The following CDK17 variants were observed in gnomAD, a reference collection of about 807,000 sequenced individuals.
CDK17 encodes cyclin dependent kinase 17, also known as cyclin-dependent kinase 17.
CDK17 carries 24 observed loss-of-function variants against 77.6 expected under a neutral mutation model. The ratio of observed to expected loss-of-function variants is 0.31; its 90% CI spans 0.22 to 0.44. CDK17 has a LOEUF of 0.44. Among genes scored for constraint, CDK17 ranks in the 20% least tolerant of loss-of-function variants. CDK17 has a pLI of 1.00. For missense variants in CDK17, 429 were observed against 622.5 expected (o/e 0.69, Z 3.31); for synonymous variants, 203 against 210.4 (o/e 0.96, Z 0.30).
chr12:96,282,618 C>T lies in CDK17; in HGVS notation c.1366-19G>A. 1.3e-6 allele frequency: 2 copies of T among 1,515,714 alleles called. No homozygotes were observed. Among genetic ancestry groups the T allele is most frequent in the Non-Finnish European group, 1.8e-6 (2 of 1,092,220 alleles). The allele number at this position is 1,515,714 out of a possible 1,614,324, so 93.9% of individuals were successfully genotyped here. ...ATTCATACTGTGAAAAAGCAAAGAA[C>T]TGCTTCATTAGCTTTTTCTCTAATT... On this transcript the variant is annotated intron_variant, in intron 14 of 16. Coordinates refer to ENST00000261211, the MANE Select transcript of CDK17 (RefSeq NM_002595.5).
chr12:96,334,131 G>GT (rs2137142095), intron 2 of CDK17, among the ~76,000 whole-genome samples: 1 of 152,296 alleles, frequency 6.6e-6, no homozygotes, highest in South Asian at 2.1e-4. Flanking sequence ...AGCCAGTCAC[G>GT]TAAGTTCCTT....
chr12:96,330,818 G>A (rs574835922), intron 2 of CDK17, among the ~76,000 whole-genome samples: 1 of 152,304 alleles, frequency 6.6e-6, no homozygotes, highest in African/African-American at 2.4e-5. Flanking sequence ...ATAAATATTT[G>A]TGTACAAGAC....
chr12:96,389,886 G>A (rs1954039769), intron 1 of CDK17, among the ~76,000 whole-genome samples: 3 of 150,514 alleles, frequency 2.0e-5, no homozygotes, highest in South Asian at 2.1e-4. Context: ...CTGGAGTGCA[G>A]CGGTGTGATC....
chr12:96,299,008 G>A (rs370882856), intron 6 of CDK17, 25 bp from the exon 7 acceptor site: 9 of 1,152,608 alleles, frequency 7.8e-6, no homozygotes, highest in South Asian at 1.3e-5. Flanking sequence ...TTTAAAGGAC[G>A]CATCAAAAGT....
intron 2 of CDK17, among the ~76,000 whole-genome samples, chr12:96,333,115 A>G (rs967119625): frequency 4.6e-5 from 7 of 152,004 alleles, no homozygotes; most frequent in Non-Finnish European, 1.0e-4. Flanking sequence ...TCCTAAGAGT[A>G]GGCACACTGC....
Position 96,278,285 on chromosome 12 carries a change from G to T in CDK17, c.*1957C>A, listed in dbSNP as rs535757562. 1.4e-4 allele frequency: 21 copies of T among 152,088 alleles called. No individual in the cohort carries two copies. Among genetic ancestry groups the T allele is most frequent in the African/African-American group, 5.1e-4 (21 of 41,488 alleles). 9.4% of individuals were successfully genotyped at this position (152,088 alleles called of 1,614,324 possible). On this transcript the variant is annotated 3_prime_UTR_variant, in exon 17 of 17. Transcript: ENST00000261211. ...ATATATTTTCATCTTTTATACGCAA[G>T]AATTAAGCCTATGAAAAGCTATAAT...
Position 96,345,471 on chromosome 12 carries a change from G to A in CDK17, c.-29-10606C>T, listed in dbSNP as rs191791587. 1.4e-4 allele frequency among the ~76,000 whole-genome samples: 22 copies of A among 152,202 alleles called. No homozygotes were observed. The East Asian group carries it at 2.3e-3, about 16-fold the overall frequency. ...AGTGTAAAAGCATCCCTATTTCTCC[G>A]CAACCTTGCCAGTATCTGTTGTTTC... On this transcript the variant is annotated intron_variant, in intron 1 of 16. Coordinates refer to ENST00000261211, the MANE Select transcript of CDK17 (RefSeq NM_002595.5).
chr12:96,390,624 G>A (rs1301676063), intron 1 of CDK17, among the ~76,000 whole-genome samples: 3 of 146,272 alleles, frequency 2.1e-5, no homozygotes, highest in Non-Finnish European at 4.5e-5. Flanking sequence ...CAGGAGAATC[G>A]CCTGAACCTG....
At chr12:96,398,512 C>G (rs1185122789) in intron 1 of CDK17, among the ~76,000 whole-genome samples, 4 of 152,206 alleles carry the variant, frequency 2.6e-5, no homozygotes, top group African/African-American at 9.6e-5. Flanking sequence ...TATCAAAGGT[C>G]TTCAAATCTC....
intron 3 of CDK17, among the ~76,000 whole-genome samples, chr12:96,314,445 C>T (rs905359538): frequency 6.6e-6 from 1 of 152,070 alleles, no homozygotes; most frequent in African/African-American, 2.4e-5. Context: ...GCCATTTATG[C>T]CTAGTGTTCC....
rs142374881 is a variant in CDK17, at chr12:96,291,048, A to G, written c.998-1761T>C. ...AAAAGGGTAGAATTTTCAGAGGGACAGAGAACAACTTATAGTATAAATACT... is the reference window on the plus strand; with the variant it reads ...AAAAGGGTAGAATTTTCAGAGGGACGGAGAACAACTTATAGTATAAATACT... On this transcript the variant is annotated intron_variant, in intron 10 of 16. Transcript: ENST00000261211. Among the ~76,000 whole-genome samples, 258 of 152,120 alleles carry G rather than the reference A, an allele frequency of 1.7e-3. 2 individuals are homozygous for G. The highest frequency in any genetic ancestry group is 6.0e-3 in the African/African-American group (251 of 41,502).
At chr12:96,389,798 T>C (rs991844431) in intron 1 of CDK17, among the ~76,000 whole-genome samples, 1 of 150,846 alleles carries the variant, frequency 6.6e-6, no homozygotes, top group Non-Finnish European at 1.5e-5. Context: ...ATAACACACC[T>C]ACTATAGAAG....
At chr12:96,296,683 G>A (rs974087705) in intron 9 of CDK17, among the ~76,000 whole-genome samples, 5 of 152,154 alleles carry the variant, frequency 3.3e-5, no homozygotes, top group Non-Finnish European at 7.4e-5. Context: ...GCTGGATGCT[G>A]TTACTCAGTT....
At chr12:96,393,318 T>C (rs1482586975) in intron 1 of CDK17, among the ~76,000 whole-genome samples, 1 of 130,032 alleles carries the variant, frequency 7.7e-6, no homozygotes, top group Non-Finnish European at 1.5e-5. Flanking sequence ...TGAGCCAAGA[T>C]TGTGCCATTG....
intron 1 of CDK17, among the ~76,000 whole-genome samples, chr12:96,345,806 G>C (rs1370889716): frequency 2.0e-5 from 3 of 151,698 alleles, no homozygotes; most frequent in African/African-American, 7.3e-5. Context: ...AAAAAACAAA[G>C]GAATTAGAAT....
intron 15 of CDK17, chr12:96,282,288 T>C (rs898700770): frequency 3.6e-5 from 16 of 439,592 alleles, no homozygotes; most frequent in Admixed American, 3.1e-4. Context: ...CTAAGTACTA[T>C]TGGTTTCCTA....
At chr12:96,327,434 A>G (rs954508240) in intron 2 of CDK17, among the ~76,000 whole-genome samples, 7 of 152,216 alleles carry the variant, frequency 4.6e-5, no homozygotes, top group African/African-American at 9.6e-5. Context: ...TTTAGGACAT[A>G]TTACAAAGGC....
chr12:96,311,059 G>A lies in CDK17; in HGVS notation c.536C>T (p.Ala179Val). Residue 179 changes from alanine (A) to valine (V), a missense_variant, in exon 5 of 17, where the codon GCT (alanine) becomes GTT (valine). Around this residue, in one of 4 missense-constraint regions of CDK17, gnomAD observed 262 missense variants for 385.4 expected, o/e 0.68. Transcript: ENST00000261211. Reference protein sequence around the residue: ...DQPMSRRSRRASLSEIGFGKM... With the variant: ...DQPMSRRSRRVSLSEIGFGKM... ...AGGAGACCAAAAACTTACTAAGGAAGCTCTACGAGACCTTCGACTCATTGG... is the reference window on the plus strand; with the variant it reads ...AGGAGACCAAAAACTTACTAAGGAAACTCTACGAGACCTTCGACTCATTGG... The A allele has an allele frequency of 3.1e-6, 5 of 1,595,682 alleles. No individual in the cohort carries two copies. The highest frequency in any genetic ancestry group is 1.4e-5 in the African/African-American group (1 of 73,486).
At position 96,280,790 on chromosome 12, in the gene CDK17, G is replaced by A. The variant is rs1201073051; in HGVS notation, c.1534+18C>T. 6.2e-7 allele frequency: 1 copy of A among 1,611,686 alleles called. No individual in the cohort carries two copies. The highest frequency in any genetic ancestry group is 8.5e-7 in the Non-Finnish European group (1 of 1,179,456). ...AAAATTCATGATCGACACGTGAAATGGTTTATGACAAACACACCTGTCTCT... is the reference window on the plus strand; with the variant it reads ...AAAATTCATGATCGACACGTGAAATAGTTTATGACAAACACACCTGTCTCT... On this transcript the variant is annotated intron_variant, in intron 16 of 16. Transcript: ENST00000261211.
Sources: gnomAD v4.1 joint callset for allele counts (sites outside exome capture counted in the v4.1 genomes callset) on GRCh38, gnomAD v4.1.1 for gene constraint, gnomAD v4.1.1 regional missense constraint, MANE v1.5 for transcripts, NCBI Gene and HGNC (gene_info 2026-07-23, HGNC 2026-07-21) for gene names.